The following PYGO1 variants were observed in gnomAD, a reference collection of about 807,000 sequenced individuals.
PYGO1 encodes the protein pygopus family PHD finger 1.
Under a neutral mutation model 29.5 loss-of-function variants are expected in PYGO1, and 6 were observed. That is an observed-to-expected ratio of 0.20 (90% CI 0.11 to 0.40). The LOEUF (loss-of-function observed/expected upper bound fraction) is 0.40, where lower values mean the gene tolerates loss of function less well. Ranked by LOEUF, PYGO1 falls within the 10% of genes least tolerant of loss-of-function variation. The pLI, the probability that PYGO1 is intolerant of heterozygous loss-of-function variation, is 1.00. For synonymous variants in PYGO1, 186 were observed against 180.5 expected (o/e 1.03, Z -0.24); for missense variants, 515 against 514.9 (o/e 1.00, Z 0.00).
intron 1 of PYGO1, among the ~76,000 whole-genome samples, chr15:55,572,464 G>C (rs2058984042): frequency 6.6e-6 from 1 of 152,158 alleles, no homozygotes; most frequent in South Asian, 2.1e-4. Context: ...GAAGAAAAGA[G>C]AGGAAAAAAC....
chr15:55,558,844 T>G (rs536962807), intron 1 of PYGO1, among the ~76,000 whole-genome samples: 8 of 151,936 alleles, frequency 5.3e-5, no homozygotes, highest in African/African-American at 1.4e-4. Context: ...CAAGATGGAT[T>G]AAAGACTTAA....
chr15:55,587,507 T>G (rs2059053004), intron 1 of PYGO1, among the ~76,000 whole-genome samples: 1 of 151,928 alleles, frequency 6.6e-6, no homozygotes. Flanking sequence ...CCAGGGGGTG[T>G]CTGTTTTTCA....
rs145136389 is a variant in PYGO1, at chr15:55,572,929, T to C, written c.49+14906A>G. 1.7e-3 allele frequency among the ~76,000 whole-genome samples: 259 copies of C among 151,528 alleles called. 1 individual carries two copies. Among genetic ancestry groups the C allele is most frequent in the South Asian group, 6.7e-3 (32 of 4,768 alleles). On this transcript the variant is annotated intron_variant, in intron 1 of 2. Coordinates refer to ENST00000563719, the MANE Select transcript of PYGO1 (RefSeq NM_001367806.1). Reference sequence around the variant, plus strand: ...AGCTAATGTCTGTAATCCCAGCACATTGGGAGGCCAAGGTAGGAGGATCAC... The same window carrying C: ...AGCTAATGTCTGTAATCCCAGCACACTGGGAGGCCAAGGTAGGAGGATCAC...
Position 55,546,496 on chromosome 15 carries a change from CCATATT to C in PYGO1, c.781_786del (p.Asn261_Met262del). ...ATATTACTCTGATTCACTGTGTCAT[CCATATT>C]CAAGTGAGGTGGATGAGCAGAGGAA... On this transcript the variant is annotated inframe_deletion, in exon 3 of 3. Transcript: ENST00000563719. 1 of 1,614,014 alleles carries C rather than the reference CCATATT, an allele frequency of 6.2e-7. No individual in the cohort carries two copies. The highest frequency in any genetic ancestry group is 8.5e-7 in the Non-Finnish European group (1 of 1,180,018).
At chr15:55,557,354 G>T (rs1258583537) in intron 1 of PYGO1, among the ~76,000 whole-genome samples, 1 of 152,110 alleles carries the variant, frequency 6.6e-6, no homozygotes, top group Non-Finnish European at 1.5e-5. Context: ...ATAATTAATA[G>T]CCTACCAACC....
At position 55,578,867 on chromosome 15, in the gene PYGO1, T is replaced by G. The variant is rs375101090; in HGVS notation, c.49+8968A>C. Among the ~76,000 whole-genome samples the G allele has an allele frequency of 1.1e-4, 16 of 152,310 alleles. No homozygotes were observed. The East Asian group carries it at 3.1e-3, about 29-fold the overall frequency. ...TTTGATGAAGTCCAATTTATCTATT[T>G]CTTCTTTGGTTAATTGAGTAAAACT... On this transcript the variant is annotated intron_variant, in intron 1 of 2. Coordinates refer to ENST00000563719, the MANE Select transcript of PYGO1 (RefSeq NM_001367806.1).
intron 1 of PYGO1, among the ~76,000 whole-genome samples, chr15:55,571,172 A>G (rs2058978548): frequency 6.6e-6 from 1 of 152,200 alleles, no homozygotes; most frequent in Non-Finnish European, 1.5e-5. Context: ...AAGGTTCTAT[A>G]GCATGTGTCA....
chr15:55,540,543 T>C lies in PYGO1; in HGVS notation c.*5480A>G, dbSNP rs1447702637. ...AACACTAAAATTTACTCCTCTCCCA[T>C]TTGAAAGACATCAGGCCATCTATTA... On this transcript the variant is annotated 3_prime_UTR_variant, in exon 3 of 3. Transcript: ENST00000563719. The C allele has an allele frequency of 3.9e-5, 6 of 152,128 alleles. No homozygotes were observed. Among genetic ancestry groups the C allele is most frequent in the Non-Finnish European group, 8.8e-5 (6 of 67,972 alleles). 9.4% of individuals were successfully genotyped at this position (152,128 alleles called of 1,614,324 possible).
rs888474961 is a variant in PYGO1, at chr15:55,546,144, C to A, written c.1139G>T (p.Gly380Val). The change falls in exon 3 of 3, where the codon GGC (glycine) becomes GTC (valine). Residue 380 changes from glycine to valine, a missense_variant. By Grantham distance (109) the Gly-to-Val change is moderately radical. Transcript: ENST00000563719. The part of the protein sequence containing the change: ...ICTGMTETAY[G>V]LLTAEASAVW... ...TGCAGATGCTTCTGCAGTTAAGAGG[C>A]CATAAGCTGTTTCAGTCATTCCAGT... 1 of 1,614,180 alleles carries A rather than the reference C, an allele frequency of 6.2e-7. No individual in the cohort carries two copies. The highest frequency in any genetic ancestry group is 8.5e-7 in the Non-Finnish European group (1 of 1,180,034).
intron 1 of PYGO1, among the ~76,000 whole-genome samples, chr15:55,570,498 G>C (rs62021864): frequency 0.38 from 57,329 of 149,486 alleles, 13,998 homozygotes; most frequent in Non-Finnish European, 0.55. Flanking sequence ...CCTTTTCTTA[G>C]TGATTTATGG....
intron 1 of PYGO1, among the ~76,000 whole-genome samples, chr15:55,556,403 G>A (rs527722646): frequency 2.1e-4 from 32 of 152,194 alleles, no homozygotes; most frequent in African/African-American, 5.8e-4. Flanking sequence ...AATGACTCCC[G>A]GGTAAATACT....
upstream of PYGO1, chr15:55,588,871 C>G: frequency 1.2e-6 from 2 of 1,613,104 alleles, no homozygotes; most frequent in East Asian, 2.2e-5. Context: ...CCAGATTCCC[C>G]GACTCCGTGT....
chr15:55,548,597 T>C (rs1007362065), intron 2 of PYGO1, among the ~76,000 whole-genome samples: 4 of 150,350 alleles, frequency 2.7e-5, no homozygotes, highest in Admixed American at 6.6e-5. Context: ...TTCCAGCTAC[T>C]TGGGAGGCTG....
intron 1 of PYGO1, among the ~76,000 whole-genome samples, chr15:55,554,468 CAAAAAA>C (rs56216226): frequency 6.5e-5 from 8 of 122,914 alleles, no homozygotes; most frequent in East Asian, 3.2e-4. Context: ...GACTCTGTCT[CAAAAAA>C]AAAAAAAAAA....
intron 1 of PYGO1, among the ~76,000 whole-genome samples, chr15:55,562,991 C>CG (rs2058939832): frequency 6.6e-6 from 1 of 151,684 alleles, no homozygotes; most frequent in Non-Finnish European, 1.5e-5. Flanking sequence ...TGGGGCCTGT[C>CG]GGGGGGAGCG....
chr15:55,578,465 T>C (rs956954831), intron 1 of PYGO1, among the ~76,000 whole-genome samples: 5 of 152,198 alleles, frequency 3.3e-5, no homozygotes, highest in Non-Finnish European at 5.9e-5. Context: ...CATCATTTTA[T>C]ATTTTCATCT....
Position 55,542,755 on chromosome 15 carries a change from C to A in PYGO1, c.*3268G>T, listed in dbSNP as rs569972146. Reference sequence around the variant, plus strand: ...ACACCAGCCTGGCCAACATGGTGAACCCGTCTCTACTAAAAATACAAAAAT... The same window carrying A: ...ACACCAGCCTGGCCAACATGGTGAAACCGTCTCTACTAAAAATACAAAAAT... On this transcript the variant is annotated 3_prime_UTR_variant, in exon 3 of 3. Coordinates refer to ENST00000563719, the MANE Select transcript of PYGO1 (RefSeq NM_001367806.1). 1 of 152,000 alleles carries A rather than the reference C, an allele frequency of 6.6e-6. No individual in the cohort carries two copies. Among genetic ancestry groups the A allele is most frequent in the South Asian group, 2.1e-4 (1 of 4,818 alleles). 9.4% of individuals were successfully genotyped at this position (152,000 alleles called of 1,614,324 possible).
intron 1 of PYGO1, among the ~76,000 whole-genome samples, chr15:55,586,468 A>C (rs1470850559): frequency 6.6e-6 from 1 of 152,198 alleles, no homozygotes; most frequent in Non-Finnish European, 1.5e-5. Context: ...CTACTGAACG[A>C]CTGTAATTTT....
chr15:55,573,156 A>G (rs997305175), intron 1 of PYGO1, among the ~76,000 whole-genome samples: 3 of 152,096 alleles, frequency 2.0e-5, no homozygotes, highest in Non-Finnish European at 2.9e-5. Flanking sequence ...AATACAAAAA[A>G]TTAGCCGGGC....
Sources: gnomAD v4.1 joint callset for allele counts (sites outside exome capture counted in the v4.1 genomes callset) on GRCh38, gnomAD v4.1.1 for gene constraint, MANE v1.5 for transcripts, NCBI Gene and HGNC (gene_info 2026-07-23, HGNC 2026-07-21) for gene names.